Variants in CYTH3 observed in about 807,000 individuals in gnomAD.
CYTH3 encodes the protein cytohesin 3.
A neutral mutation model predicts 55.1 loss-of-function variants in CYTH3; 23 were observed. The ratio of observed to expected loss-of-function variants is 0.42; its 90% CI spans 0.30 to 0.59. The LOEUF (loss-of-function observed/expected upper bound fraction) is 0.59, where lower values mean the gene tolerates loss of function less well. Among genes scored for constraint, CYTH3 ranks in the 20% least tolerant of loss-of-function variants. CYTH3 has a pLI of 0.20. For synonymous variants in CYTH3, 249 were observed against 194.9 expected, an observed-to-expected ratio of 1.28 and a Z score of -2.31; for missense variants, 413 against 524.8, an observed-to-expected ratio of 0.79 and a Z score of 2.08.
At chr7:6,266,343 C>T (rs1463838055) in intron 1 of CYTH3, among the ~76,000 whole-genome samples, 1 of 152,094 alleles carries the variant, frequency 6.6e-6, no homozygotes, top group Non-Finnish European at 1.5e-5. Flanking sequence ...CTCCATTTTC[C>T]AATCTGAAAA....
Position 6,164,765 on chromosome 7 carries a change from C to T in CYTH3, c.*179G>A, listed in dbSNP as rs1386340130. On this transcript the variant is annotated 3_prime_UTR_variant, in exon 13 of 13. Transcript: ENST00000350796. ...AGCTTGCACTGCAGGGCGACCACCT[C>T]CCAGGACCCCAGCCACGGCACGAGG... The T allele has an allele frequency of 1.4e-6, 1 of 722,306 alleles. No individual in the cohort carries two copies. The highest frequency in any genetic ancestry group is 2.4e-6 in the Non-Finnish European group (1 of 416,714). The allele number at this position is 722,306 out of a possible 1,614,324, so 44.7% of individuals were successfully genotyped here.
At chr7:6,255,767 T>TG (rs1470273410) in intron 1 of CYTH3, among the ~76,000 whole-genome samples, 4 of 144,198 alleles carry the variant, frequency 2.8e-5, no homozygotes, top group African/African-American at 1.0e-4. Flanking sequence ...TGTTTTTTTT[T>TG]TTTTTTTTTT....
At chr7:6,238,766 C>T (rs771072865) in intron 1 of CYTH3, among the ~76,000 whole-genome samples, 31 of 152,066 alleles carry the variant, frequency 2.0e-4, no homozygotes, top group Non-Finnish European at 4.4e-4. Context: ...TGTCGACAGC[C>T]GGGGAAGGCT....
In CYTH3 at chr7:6,165,092, G is replaced by A. The variant is rs1782949782; in HGVS notation, c.1128-76C>T. The A allele has an allele frequency of 4.4e-6, 7 of 1,597,220 alleles. No individual in the cohort carries two copies. The Admixed American group carries it at 6.7e-5, about 15-fold the overall frequency. On this transcript the variant is annotated intron_variant, in intron 12 of 12. Coordinates refer to ENST00000350796, the MANE Select transcript of CYTH3 (RefSeq NM_004227.4). ...CTCCCCTTTCCCACCAGCCCCAGAG[G>A]CCCCTCAGACAGGACCGCAGGCTCA...
chr7:6,198,345 C>G (rs181316460), intron 1 of CYTH3, among the ~76,000 whole-genome samples: 21 of 138,138 alleles, frequency 1.5e-4, no homozygotes, highest in Non-Finnish European at 2.9e-4. Flanking sequence ...TAGCAAATAC[C>G]AACACCTAGC....
At chr7:6,248,247 CAAAA>C (rs754789105) in intron 1 of CYTH3, among the ~76,000 whole-genome samples, 1 of 128,260 alleles carries the variant, frequency 7.8e-6, no homozygotes. Flanking sequence ...CCCCCCCAGC[CAAAA>C]AAAAAAAAAA....
At chr7:6,196,223 G>C (rs1450373413) in intron 1 of CYTH3, among the ~76,000 whole-genome samples, 4 of 152,096 alleles carry the variant, frequency 2.6e-5, no homozygotes. Context: ...AGCACGAGTG[G>C]AATGAATGCG....
chr7:6,244,379 C>T (rs1779752743), intron 1 of CYTH3, among the ~76,000 whole-genome samples: 1 of 152,216 alleles, frequency 6.6e-6, no homozygotes, highest in Non-Finnish European at 1.5e-5. Flanking sequence ...TTTTAGAATG[C>T]TTTATTCTGT....
chr7:6,244,657 C>T (rs1394478636), intron 1 of CYTH3, among the ~76,000 whole-genome samples: 1 of 151,920 alleles, frequency 6.6e-6, no homozygotes, highest in African/African-American at 2.4e-5. Context: ...GATGGGGTCT[C>T]ACTACATTTC....
In CYTH3 at chr7:6,259,797, A is replaced by AT. The variant is rs1490073736; in HGVS notation, c.34+12676dup. On this transcript the variant is annotated intron_variant, in intron 1 of 12. Transcript: ENST00000350796. ...TTATATATATATAATATATATATATATATATATATATATATAATATATATA... is the reference window on the plus strand; with the variant it reads ...TTATATATATATAATATATATATATATTATATATATATATATAATATATATA... Among the ~76,000 whole-genome samples the AT allele has an allele frequency of 1.6e-3, 33 of 20,512 alleles. 1 individual carries two copies. The highest frequency in any genetic ancestry group is 1.9e-3 in the Non-Finnish European group (27 of 14,498). 13.5% of individuals were successfully genotyped at this position (20,512 alleles called of 152,430 possible). A position where few individuals can be genotyped will look rare whatever the true frequency, so the allele number is the denominator to read the frequency against.
At chr7:6,254,099 G>C (rs967742011) in intron 1 of CYTH3, among the ~76,000 whole-genome samples, 2 of 150,308 alleles carry the variant, frequency 1.3e-5, no homozygotes, top group African/African-American at 2.4e-5. Flanking sequence ...GGAGAATCAC[G>C]TGAACCCGGG....
At chr7:6,251,449 C>T (rs1280744533) in intron 1 of CYTH3, among the ~76,000 whole-genome samples, 3 of 151,084 alleles carry the variant, frequency 2.0e-5, no homozygotes, top group Non-Finnish European at 4.4e-5. Flanking sequence ...AAAATCAAAA[C>T]GTGTGAGAAG....
At chr7:6,226,643 A>C (rs191870374) in intron 1 of CYTH3, among the ~76,000 whole-genome samples, 1 of 152,308 alleles carries the variant, frequency 6.6e-6, no homozygotes, top group African/African-American at 2.4e-5. Context: ...TGTTGTGAGT[A>C]TTTGTATTCC....
Position 6,169,828 on chromosome 7 carries a change from C to A in CYTH3, c.823+707G>T, listed in dbSNP as rs1053414672. Among the ~76,000 whole-genome samples the A allele has an allele frequency of 3.9e-5, 6 of 152,154 alleles. No homozygotes were observed. Among genetic ancestry groups the A allele is most frequent in the African/African-American group, 1.4e-4 (6 of 41,448 alleles). ...CTGTCTGCTTCTCTACTGCTGCGGA[C>A]CCCTAGAGACACAGGGTGGGGGGCA... On this transcript the variant is annotated intron_variant, in intron 9 of 12. Coordinates refer to ENST00000350796, the MANE Select transcript of CYTH3 (RefSeq NM_004227.4). This position sits in a 1 kb window ranked among gnomAD's most constrained non-coding sequence, Gnocchi z 4.1.
At chr7:6,229,348 G>A (rs1562399609) in intron 1 of CYTH3, among the ~76,000 whole-genome samples, 1 of 152,136 alleles carries the variant, frequency 6.6e-6, no homozygotes, top group African/African-American at 2.4e-5. Context: ...GATATCAGGT[G>A]TGCTCATTTT....
intron 1 of CYTH3, among the ~76,000 whole-genome samples, chr7:6,194,377 CA>C (rs1783869864): frequency 6.6e-6 from 1 of 152,132 alleles, no homozygotes; most frequent in Admixed American, 6.5e-5. Context: ...CGCTTGAGCT[CA>C]GGGGTTCCAG....
In CYTH3 at chr7:6,162,172, C is replaced by T. The variant is rs547498992; in HGVS notation, c.*2772G>A. The T allele has an allele frequency of 6.6e-6, 1 of 152,630 alleles. No individual in the cohort carries two copies. Among genetic ancestry groups the T allele is most frequent in the South Asian group, 2.1e-4 (1 of 4,826 alleles). The allele number at this position is 152,630 out of a possible 1,614,324, so 9.5% of individuals were successfully genotyped here. On this transcript the variant is annotated 3_prime_UTR_variant, in exon 13 of 13. Coordinates refer to ENST00000350796, the MANE Select transcript of CYTH3 (RefSeq NM_004227.4). ...ATAGCTCCTATTTTCAGTTTGGTAC[C>T]ACATTAAACTGCCCCAAAATGTTCT...
chr7:6,223,833 T>C (rs981040508), intron 1 of CYTH3, among the ~76,000 whole-genome samples: 2 of 13,616 alleles, frequency 1.5e-4, no homozygotes, highest in Non-Finnish European at 2.5e-4. Flanking sequence ...GATCAATAAA[T>C]ACTAAAAAAA....
chr7:6,232,934 C>CCA (rs1178885343), intron 1 of CYTH3, among the ~76,000 whole-genome samples: 1 of 151,924 alleles, frequency 6.6e-6, no homozygotes, highest in Non-Finnish European at 1.5e-5. Context: ...CTCCTGACCC[C>CCA]CACCTCCTAC....
Sources: allele counts gnomAD v4.1 joint callset (sites outside exome capture counted in the v4.1 genomes callset), GRCh38; gene constraint gnomAD v4.1.1; non-coding constraint Gnocchi (gnomAD v3.1); transcripts MANE v1.5; gene names NCBI Gene and HGNC (gene_info 2026-07-23, HGNC 2026-07-21).